The following OLA1 variants were observed in gnomAD, a reference collection of about 807,000 sequenced individuals.
The protein encoded by OLA1 is obg-like ATPase 1.
OLA1 carries 14 observed loss-of-function variants against 48.4 expected under a neutral mutation model. The observed-to-expected ratio is 0.29, with a 90% confidence interval of 0.19 to 0.45. OLA1 has a LOEUF of 0.45. Ranked by LOEUF, OLA1 falls within the 20% of genes least tolerant of loss-of-function variation. The pLI is 1.00. For synonymous variants in OLA1, 127 were observed against 150.4 expected (o/e 0.84, Z 1.14); for missense variants, 325 against 467.1 (o/e 0.70, Z 2.80).
intron 4 of OLA1, among the ~76,000 whole-genome samples, chr2:174,186,372 T>C (rs1687655437): frequency 6.6e-6 from 1 of 152,082 alleles, no homozygotes; most frequent in Non-Finnish European, 1.5e-5. Flanking sequence ...TGCTCCAATA[T>C]CCAAAACTTT....
intron 4 of OLA1, among the ~76,000 whole-genome samples, chr2:174,171,247 CAG>C (rs1331434436): frequency 6.6e-6 from 1 of 152,032 alleles, no homozygotes; most frequent in Non-Finnish European, 1.5e-5. Flanking sequence ...AGTAAAAATG[CAG>C]AAGATATGAA....
chr2:174,181,822 C>A (rs1488706042), intron 4 of OLA1, among the ~76,000 whole-genome samples: 2 of 152,200 alleles, frequency 1.3e-5, no homozygotes, highest in Admixed American at 1.3e-4. Context: ...CCAACACTTA[C>A]TATACTATGC....
At chr2:174,194,398 A>G (rs897819704) in intron 4 of OLA1, among the ~76,000 whole-genome samples, 4 of 152,090 alleles carry the variant, frequency 2.6e-5, no homozygotes, top group Non-Finnish European at 5.9e-5. Flanking sequence ...GTGTCTATCC[A>G]AGTTGAGTGT....
At chr2:174,173,212 T>C (rs1011508690) in intron 4 of OLA1, among the ~76,000 whole-genome samples, 19 of 152,212 alleles carry the variant, frequency 1.2e-4, no homozygotes, top group African/African-American at 4.1e-4. Flanking sequence ...CACCAGCAGA[T>C]AAGGCTCTCA....
chr2:174,161,994 T>C (rs976638158), intron 4 of OLA1, among the ~76,000 whole-genome samples: 1 of 152,102 alleles, frequency 6.6e-6, no homozygotes, highest in Non-Finnish European at 1.5e-5. Flanking sequence ...AATATGTAAC[T>C]AAACCATGGC....
intron 4 of OLA1, among the ~76,000 whole-genome samples, chr2:174,188,637 CAG>C (rs2105420551): frequency 6.6e-6 from 1 of 152,194 alleles, no homozygotes; most frequent in East Asian, 1.9e-4. Flanking sequence ...CATTTAAATT[CAG>C]AGTCAGGAAG....
intron 7 of OLA1, among the ~76,000 whole-genome samples, chr2:174,087,210 G>A (rs1685001666): frequency 6.6e-6 from 1 of 151,820 alleles, no homozygotes; most frequent in Non-Finnish European, 1.5e-5. Flanking sequence ...TATTTTAGTA[G>A]AGATGGGGTT....
At chr2:174,217,546 A>G (rs1028429664) in intron 4 of OLA1, among the ~76,000 whole-genome samples, 1 of 152,224 alleles carries the variant, frequency 6.6e-6, no homozygotes, top group African/African-American at 2.4e-5. Context: ...TGAAAGTGAC[A>G]TACAACAAAA....
At chr2:174,221,105 C>G (rs574397265) in intron 4 of OLA1, among the ~76,000 whole-genome samples, 182 of 152,158 alleles carry the variant, frequency 1.2e-3, no homozygotes, top group Non-Finnish European at 1.4e-3. Flanking sequence ...TGTATTTCAT[C>G]AATTCTAAGA....
chr2:174,102,387 G>T (rs923198373), intron 7 of OLA1, among the ~76,000 whole-genome samples: 5 of 151,616 alleles, frequency 3.3e-5, no homozygotes, highest in Non-Finnish European at 7.4e-5. Context: ...AGTCATGGCC[G>T]ACAGAGAAAA....
intron 1 of OLA1, chr2:174,247,599 C>T: frequency 6.5e-7 from 1 of 1,544,774 alleles, no homozygotes; most frequent in South Asian, 1.2e-5. Context: ...CCAAACCATT[C>T]CTCTATAATC....
At chr2:174,216,812 C>G (rs541169065) in intron 4 of OLA1, among the ~76,000 whole-genome samples, 6 of 152,152 alleles carry the variant, frequency 3.9e-5, no homozygotes, top group African/African-American at 2.4e-5. Flanking sequence ...CCTCCAAATG[C>G]TGCGATTACA....
intron 7 of OLA1, among the ~76,000 whole-genome samples, chr2:174,113,666 G>A (rs1685709696): frequency 6.6e-6 from 1 of 152,092 alleles, no homozygotes; most frequent in African/African-American, 2.4e-5. Flanking sequence ...CTAAACAATT[G>A]GATGGAGATT....
intron 4 of OLA1, chr2:174,171,760 G>A (rs1294507862): frequency 6.6e-6 from 1 of 152,228 alleles, no homozygotes; most frequent in Non-Finnish European, 1.5e-5. Context: ...CAGGAGAGGA[G>A]AGTGGACTCC....
chr2:174,135,808 A>C (rs1686297179), intron 5 of OLA1, among the ~76,000 whole-genome samples: 1 of 152,246 alleles, frequency 6.6e-6, no homozygotes, highest in Non-Finnish European at 1.5e-5. Context: ...ATATTTTTAC[A>C]GTACAACCAT....
At chr2:174,179,681 G>T (rs971178060) in intron 4 of OLA1, among the ~76,000 whole-genome samples, 2 of 151,884 alleles carry the variant, frequency 1.3e-5, no homozygotes, top group Non-Finnish European at 2.9e-5. Flanking sequence ...CTGACTAAAT[G>T]GTTCCACTGG....
Position 174,123,173 on chromosome 2 carries a change from A to C in OLA1, c.728+7T>G. On this transcript the variant is annotated splice_region_variant and intron_variant, in intron 7 of 10. Transcript: ENST00000284719. The stretch of plus-strand genomic sequence containing the variant: ...CATCTGGGTATATCTGGTGAGGAAA[A>C]ACTTACCATTTGTTTTTCTTTCTAA... 1 of 1,420,540 alleles carries C rather than the reference A, an allele frequency of 7.0e-7. No homozygotes were observed. Among genetic ancestry groups the C allele is most frequent in the Non-Finnish European group, 9.9e-7 (1 of 1,009,416 alleles). 88.0% of individuals were successfully genotyped at this position (1,420,540 alleles called of 1,614,324 possible).
At chr2:174,122,735 G>C (rs1469480626) in intron 7 of OLA1, among the ~76,000 whole-genome samples, 1 of 145,042 alleles carries the variant, frequency 6.9e-6, no homozygotes, top group Non-Finnish European at 1.5e-5. Flanking sequence ...CCCACACACA[G>C]TCTTTTTTTT....
chr2:174,239,316 T>C (rs891944316), intron 2 of OLA1, among the ~76,000 whole-genome samples: 2 of 152,210 alleles, frequency 1.3e-5, no homozygotes, highest in Non-Finnish European at 1.5e-5. Context: ...TGAAGAAATC[T>C]GTCAGATACC....
Sources: gnomAD v4.1 joint callset for allele counts (sites outside exome capture counted in the v4.1 genomes callset) on GRCh38, gnomAD v4.1.1 for gene constraint, MANE v1.5 for transcripts, NCBI Gene and HGNC (gene_info 2026-07-23, HGNC 2026-07-21) for gene names.